ABCA9: variants seen among roughly 807,000 people sequenced by gnomAD.
ABCA9 encodes ATP binding cassette subfamily A member 9, also known as ATP-binding cassette sub-family A member 9.
A neutral mutation model predicts 205.3 loss-of-function variants in ABCA9; 183 were observed. That is an observed-to-expected ratio of 0.89 (90% CI 0.79 to 1.01). The LOEUF (loss-of-function observed/expected upper bound fraction) is 1.01, where lower values mean the gene tolerates loss of function less well. Ranked by LOEUF, ABCA9 falls within the 50% of genes least tolerant of loss-of-function variation. The probability of loss-of-function intolerance (pLI) is 0.00; values close to 1 mark genes in which losing one functional copy is unlikely to be tolerated. For missense variants in ABCA9, 1,805 were observed against 1,912.4 expected (o/e 0.94, Z 1.05); for synonymous variants, 651 against 683.3 (o/e 0.95, Z 0.74).
intron 19 of ABCA9, 148 bp downstream of exon 19, chr17:69,020,240 G>GTTTCTTTAATTAAAAAATGA: frequency 1.3e-6 from 1 of 747,024 alleles, no homozygotes; most frequent in South Asian, 2.2e-5. Flanking sequence ...ATTAAAAATG[G>GTTTCTTTAATTAAAAAATGA]TTTCTTTAAT....
rs146950365 is a variant in ABCA9, at chr17:69,021,841, T to C, written c.2302A>G (p.Arg768Gly). 1.3e-6 allele frequency: 2 copies of C among 1,547,546 alleles called. No homozygotes were observed. The highest frequency in any genetic ancestry group is 2.7e-5 in the African/African-American group (2 of 73,208). Residue 768 changes from arginine to glycine, a missense_variant, in exon 18 of 39, where the codon AGA becomes GGA. Transcript: ENST00000340001. ...TCCTCAATGCCTTGGTTAGAACATC[T>C]ATCAAGATCCCTGTAAAGTTCTAAA... ...KFPELYRDLD[R>G]CSNQGIEDYG...
At chr17:69,047,209 A>G (rs10852783) in intron 3 of ABCA9, among the ~76,000 whole-genome samples, 130,161 of 150,180 alleles carry the variant, frequency 0.87, 57,464 homozygotes, top group East Asian at 1. Context: ...CGCCCACCTC[A>G]GCCTCCCAAA....
At chr17:69,068,425 A>C in the ABCA9 span, among the ~76,000 whole-genome samples, 1 of 152,226 alleles carries the variant, frequency 6.6e-6, no homozygotes, top group Non-Finnish European at 1.5e-5. Flanking sequence ...GCTAATGTGA[A>C]TGCTCCTTCA....
At chr17:69,003,863 T>TCATTTCATC (rs1469435978) in intron 25 of ABCA9, among the ~76,000 whole-genome samples, 1 of 152,196 alleles carries the variant, frequency 6.6e-6, no homozygotes, top group African/African-American at 2.4e-5. Flanking sequence ...TTCATTTCAT[T>TCATTTCATC]CATTTCATCT....
Position 69,026,369 on chromosome 17 carries a change from G to A in ABCA9, c.2141+8C>T. On this transcript the variant is annotated splice_region_variant and intron_variant, in intron 16 of 38. Coordinates refer to ENST00000340001, the MANE Select transcript of ABCA9 (RefSeq NM_080283.4). ...CTGTCAACACGTCTCCAACATTCAG[G>A]GCTGTACCTTAAATGGTAGCCTATG... is the stretch of plus-strand genomic sequence containing the variant. 6.2e-7 allele frequency: 1 copy of A among 1,610,326 alleles called. No individual in the cohort carries two copies. The highest frequency in any genetic ancestry group is 8.5e-7 in the Non-Finnish European group (1 of 1,176,944).
chr17:69,004,031 C>G (rs1406087247), intron 25 of ABCA9, among the ~76,000 whole-genome samples: 1 of 152,042 alleles, frequency 6.6e-6, no homozygotes, highest in Non-Finnish European at 1.5e-5. Flanking sequence ...AAATTTTTTT[C>G]AAAGTTTTCA....
intron 3 of ABCA9, 30 bp from the exon 4 acceptor site, chr17:69,045,366 T>A (rs2071676929): frequency 6.3e-7 from 1 of 1,588,732 alleles, no homozygotes. Flanking sequence ...AAAGAAATAG[T>A]TAAGCAAGAA....
At chr17:69,050,836 T>A (rs2071880285) in intron 2 of ABCA9, among the ~76,000 whole-genome samples, 195 bp downstream of exon 2, 1 of 152,076 alleles carries the variant, frequency 6.6e-6, no homozygotes, top group African/African-American at 2.4e-5. Flanking sequence ...CATAAAACAA[T>A]AATACATAAT....
At chr17:69,054,873 G>T (rs556314341) in intron 1 of ABCA9, among the ~76,000 whole-genome samples, 1 of 152,148 alleles carries the variant, frequency 6.6e-6, no homozygotes, top group Admixed American at 6.5e-5. Flanking sequence ...AGTGTTATTC[G>T]AAAGTTGACT....
intron 1 of ABCA9, among the ~76,000 whole-genome samples, chr17:69,058,495 A>G (rs1273897344): frequency 6.6e-6 from 1 of 152,188 alleles, no homozygotes; most frequent in Admixed American, 6.5e-5. Context: ...CTGTGCTGCT[A>G]CTGAAGTCTG....
At chr17:69,026,267 TGAA>T (rs1282522041) in intron 16 of ABCA9, 107 bp downstream of exon 16, 1 of 799,132 alleles carries the variant, frequency 1.3e-6, no homozygotes, top group Non-Finnish European at 2.0e-6. Context: ...ATAGCTCCCT[TGAA>T]ATGAACTTAG....
intron 37 of ABCA9, among the ~76,000 whole-genome samples, 184 bp downstream of exon 37, chr17:68,982,378 C>T (rs539327628): frequency 6.6e-6 from 1 of 152,282 alleles, no homozygotes; most frequent in South Asian, 2.1e-4. Context: ...CTTGTAAGAA[C>T]CCCAAATCTT....
At chr17:68,985,002 T>C in intron 33 of ABCA9, 23 bp from the exon 34 acceptor site, 1 of 1,614,188 alleles carries the variant, frequency 6.2e-7, no homozygotes, top group Non-Finnish European at 8.5e-7. Flanking sequence ...GAACAGCCCC[T>C]CTGGTTCCCA....
chr17:69,033,710 C>T lies in ABCA9; in HGVS notation c.1276+16G>A. 6.4e-7 allele frequency: 1 copy of T among 1,574,286 alleles called. No individual in the cohort carries two copies. The highest frequency in any genetic ancestry group is 2.3e-5 in the East Asian group (1 of 44,202). ...TTATTGAAATTGTGTTAAATTACAG[C>T]CATGTTAGTACTTACCGGGCAAAAT... On this transcript the variant is annotated intron_variant, in intron 9 of 38. Coordinates refer to ENST00000340001, the MANE Select transcript of ABCA9 (RefSeq NM_080283.4).
rs9901328 is a variant in ABCA9, at chr17:68,986,906, G to A, written c.4048-582C>T. Among the ~76,000 whole-genome samples the A allele has an allele frequency of 1.8e-3, 269 of 152,206 alleles. 1 individual carries two copies. The highest frequency in any genetic ancestry group is 6.4e-3 in the African/African-American group (264 of 41,520). ...ATGACATTATCAAGTCCATAATATC[G>A]AGGTTGAGAAATTCTGAACTAAGAA... is the stretch of plus-strand genomic sequence containing the variant. On this transcript the variant is annotated intron_variant, in intron 31 of 38. Coordinates refer to ENST00000340001, the MANE Select transcript of ABCA9 (RefSeq NM_080283.4).
At chr17:69,010,542 A>G (rs893816108) in intron 23 of ABCA9, among the ~76,000 whole-genome samples, 1 of 152,192 alleles carries the variant, frequency 6.6e-6, no homozygotes. Context: ...ATAAATAATT[A>G]GAATTTAATT....
At chr17:69,047,504 G>C (rs2071755961) in intron 3 of ABCA9, among the ~76,000 whole-genome samples, 1 of 151,940 alleles carries the variant, frequency 6.6e-6, no homozygotes, top group South Asian at 2.1e-4. Context: ...TGCAGCTGGA[G>C]CTATGATAAC....
At chr17:68,983,657 A>C (rs1280033341) in intron 36 of ABCA9, 52 bp downstream of exon 36, 1 of 1,600,544 alleles carries the variant, frequency 6.2e-7, no homozygotes, top group African/African-American at 1.3e-5. Context: ...TCATAGCAGA[A>C]ATATGGAAAC....
At chr17:69,008,030 A>G (rs1423034636) in intron 24 of ABCA9, 32 bp downstream of exon 24, 1 of 1,568,088 alleles carries the variant, frequency 6.4e-7, no homozygotes, top group South Asian at 1.1e-5. Context: ...AAAATAGTCT[A>G]ATAAAACCAT....
Sources: gnomAD v4.1 joint callset for allele counts (sites outside exome capture counted in the v4.1 genomes callset) on GRCh38, gnomAD v4.1.1 for gene constraint, MANE v1.5 for transcripts, NCBI Gene and HGNC (gene_info 2026-07-23, HGNC 2026-07-21) for gene names.